Variants in ADAMTSL3 observed in about 807,000 individuals in gnomAD.
ADAMTSL3 encodes ADAMTS like 3.
In ADAMTSL3, 128 loss-of-function variants were observed where a neutral mutation model predicts 201.7. That is an observed-to-expected ratio of 0.63 (90% CI 0.55 to 0.73). The LOEUF (loss-of-function observed/expected upper bound fraction) is 0.73, where lower values mean the gene tolerates loss of function less well. Ranked by LOEUF, ADAMTSL3 falls within the 30% of genes least tolerant of loss-of-function variation. The pLI is 0.00. For missense variants in ADAMTSL3, 1,990 were observed against 2,119.6 expected, an observed-to-expected ratio of 0.94 and a Z score of 1.20; for synonymous variants, 738 against 748.4, an observed-to-expected ratio of 0.99 and a Z score of 0.23.
intron 5 of ADAMTSL3, among the ~76,000 whole-genome samples, chr15:83,818,385 G>A (rs960389811): frequency 1.3e-5 from 2 of 152,148 alleles, no homozygotes; most frequent in Non-Finnish European, 2.9e-5. Flanking sequence ...GGAGTGCAGT[G>A]GCACAATCTT....
chr15:83,899,960 A>G (rs1334673907), intron 15 of ADAMTSL3, among the ~76,000 whole-genome samples: 1 of 152,218 alleles, frequency 6.6e-6, no homozygotes, highest in Non-Finnish European at 1.5e-5. Flanking sequence ...TACTTAACTC[A>G]AAGCAGATCC....
intron 16 of ADAMTSL3, among the ~76,000 whole-genome samples, chr15:83,917,429 A>G (rs983932270): frequency 2.0e-5 from 3 of 146,940 alleles, no homozygotes; most frequent in African/African-American, 8.1e-5. Context: ...GTATGTATGT[A>G]TGTATGTATG....
At chr15:83,900,135 G>A (rs2065695766) in intron 15 of ADAMTSL3, among the ~76,000 whole-genome samples, 1 of 152,196 alleles carries the variant, frequency 6.6e-6, no homozygotes, top group African/African-American at 2.4e-5. Context: ...AGTCGCCTGA[G>A]TGATCATAGG....
At chr15:83,895,308 AG>A (rs915697925) in intron 13 of ADAMTSL3, among the ~76,000 whole-genome samples, 2 of 152,298 alleles carry the variant, frequency 1.3e-5, no homozygotes, top group African/African-American at 4.8e-5. Context: ...TCACTTTTTC[AG>A]CCCCCAATCA....
intron 23 of ADAMTSL3, among the ~76,000 whole-genome samples, chr15:83,991,623 C>T (rs1216725347): frequency 1.3e-5 from 2 of 152,218 alleles, no homozygotes; most frequent in Non-Finnish European, 2.9e-5. Flanking sequence ...TAGACAAAAG[C>T]TACACTTGGC....
intron 8 of ADAMTSL3, chr15:83,861,584 A>G (rs2064862346): frequency 6.5e-6 from 1 of 153,426 alleles, no homozygotes; most frequent in East Asian, 1.9e-4. Context: ...AAGGAAAACT[A>G]ACAAACAGAA....
chr15:83,860,254 G>T (rs1482393313), intron 8 of ADAMTSL3, among the ~76,000 whole-genome samples: 1 of 152,132 alleles, frequency 6.6e-6, no homozygotes, highest in Non-Finnish European at 1.5e-5. Flanking sequence ...TAAGATTTGG[G>T]AATGTTCTGG....
chr15:83,733,001 T>C (rs1174726195), intron 3 of ADAMTSL3, among the ~76,000 whole-genome samples: 1 of 152,132 alleles, frequency 6.6e-6, no homozygotes. Flanking sequence ...AATACTGCAT[T>C]GTATTGGGGA....
At chr15:83,846,583 C>T (rs2064502915) in intron 7 of ADAMTSL3, among the ~76,000 whole-genome samples, 2 of 152,246 alleles carry the variant, frequency 1.3e-5, no homozygotes, top group Non-Finnish European at 2.9e-5. Flanking sequence ...CAGCCAGCTC[C>T]ATGGTTCCTA....
At chr15:83,820,656 C>T (rs2063848603) in intron 6 of ADAMTSL3, among the ~76,000 whole-genome samples, 1 of 152,120 alleles carries the variant, frequency 6.6e-6, no homozygotes, top group Admixed American at 6.6e-5. Flanking sequence ...TCTTTGGGCA[C>T]AATGATTTAT....
intron 3 of ADAMTSL3, among the ~76,000 whole-genome samples, chr15:83,725,480 G>A (rs898259031): frequency 2.0e-5 from 3 of 152,150 alleles, no homozygotes; most frequent in African/African-American, 7.2e-5. Flanking sequence ...CCAGTCCAAT[G>A]TCCTGGAGAA....
intron 2 of ADAMTSL3, among the ~76,000 whole-genome samples, chr15:83,702,433 T>C (rs1366137384): frequency 6.6e-6 from 1 of 152,194 alleles, no homozygotes; most frequent in African/African-American, 2.4e-5. Flanking sequence ...TCAGAGACCT[T>C]CATGGCAGCC....
chr15:83,963,228 C>T (rs555025256), intron 19 of ADAMTSL3, among the ~76,000 whole-genome samples: 3 of 152,234 alleles, frequency 2.0e-5, no homozygotes, highest in African/African-American at 7.2e-5. Flanking sequence ...ATCCCACCCC[C>T]ACAGAGCCCA....
intron 6 of ADAMTSL3, among the ~76,000 whole-genome samples, chr15:83,823,137 A>G (rs1345196133): frequency 7.1e-6 from 1 of 139,950 alleles, no homozygotes; most frequent in African/African-American, 2.6e-5. Context: ...GTGAGCCGAG[A>G]TGGCAGCAGT....
At chr15:83,913,545 T>C (rs1466609507) in intron 16 of ADAMTSL3, among the ~76,000 whole-genome samples, 167 bp downstream of exon 16, 1 of 152,130 alleles carries the variant, frequency 6.6e-6, no homozygotes, top group East Asian at 1.9e-4. Context: ...TCTTTTTTTT[T>C]TGTAGTGATT....
At chr15:83,719,026 C>G (rs2062059110) in intron 3 of ADAMTSL3, among the ~76,000 whole-genome samples, 1 of 152,078 alleles carries the variant, frequency 6.6e-6, no homozygotes, top group Non-Finnish European at 1.5e-5. Context: ...CTCTAATGAA[C>G]TGATATATGC....
chr15:83,942,368 T>C (rs1044604480), intron 17 of ADAMTSL3, among the ~76,000 whole-genome samples: 30 of 152,216 alleles, frequency 2.0e-4, no homozygotes, highest in Non-Finnish European at 7.3e-5. Flanking sequence ...ACTCTGGACT[T>C]TCCCAAATGG....
intron 19 of ADAMTSL3, among the ~76,000 whole-genome samples, chr15:83,948,411 TACACACACACACAC>T (rs72124987): frequency 2.1e-5 from 3 of 145,630 alleles, no homozygotes; most frequent in African/African-American, 7.6e-5. Context: ...AAAGCTTATT[TACACACACACACAC>T]ACACACACAC....
chr15:83,718,177 A>G (rs532159888), intron 3 of ADAMTSL3, among the ~76,000 whole-genome samples: 1 of 152,318 alleles, frequency 6.6e-6, no homozygotes, highest in Admixed American at 6.5e-5. Flanking sequence ...CAAATGGCCA[A>G]CTTAATAGCA....
Sources: allele counts gnomAD v4.1 joint callset (sites outside exome capture counted in the v4.1 genomes callset), GRCh38; gene constraint gnomAD v4.1.1; transcripts MANE v1.5; gene names NCBI Gene and HGNC (gene_info 2026-07-23, HGNC 2026-07-21).